The following PCDH9 variants were observed in gnomAD, a reference collection of about 807,000 sequenced individuals.
PCDH9 encodes the protein protocadherin 9.
Under a neutral mutation model 70.6 loss-of-function variants are expected in PCDH9, and 24 were observed. The observed-to-expected ratio is 0.34, with a 90% CI of 0.25 to 0.48. The LOEUF (loss-of-function observed/expected upper bound fraction) is 0.48, where lower values mean the gene tolerates loss of function less well. PCDH9 is among the 20% of genes least tolerant of loss of function. The probability of loss-of-function intolerance (pLI) is 0.99; values close to 1 mark genes in which losing one functional copy is unlikely to be tolerated. For missense variants in PCDH9, 1,281 were observed against 1,503.6 expected (o/e 0.85, Z 2.45); for synonymous variants, 562 against 558.5 (o/e 1.01, Z -0.09).
At chr13:66,438,655 G>A (rs1342596049) in intron 4 of PCDH9, among the ~76,000 whole-genome samples, 1 of 152,102 alleles carries the variant, frequency 6.6e-6, no homozygotes, top group Non-Finnish European at 1.5e-5. Context: ...TCACTGGCAG[G>A]CCCAACCCAT....
chr13:67,049,987 T>C (rs1167180617), intron 2 of PCDH9, among the ~76,000 whole-genome samples: 4 of 152,184 alleles, frequency 2.6e-5, no homozygotes, highest in East Asian at 1.9e-4. Flanking sequence ...GAGGGAATCA[T>C]AGAGAATGAA....
chr13:67,010,273 G>A (rs752602931), intron 2 of PCDH9, among the ~76,000 whole-genome samples: 7 of 151,774 alleles, frequency 4.6e-5, no homozygotes, highest in Admixed American at 1.3e-4. Context: ...TATAGAACAC[G>A]GATTCAAACC....
intron 4 of PCDH9, among the ~76,000 whole-genome samples, chr13:66,317,091 A>G (rs960576516): frequency 6.6e-6 from 1 of 152,112 alleles, no homozygotes; most frequent in African/African-American, 2.4e-5. Flanking sequence ...TTAATGGTCT[A>G]TCTCTCACAC....
intron 4 of PCDH9, among the ~76,000 whole-genome samples, chr13:66,334,875 G>A (rs911984396): frequency 2.6e-5 from 4 of 151,976 alleles, no homozygotes; most frequent in Non-Finnish European, 4.4e-5. Flanking sequence ...TATATTACAA[G>A]CTACCCCATA....
At chr13:66,673,878 A>C (rs1334826570) in intron 3 of PCDH9, among the ~76,000 whole-genome samples, 1 of 152,196 alleles carries the variant, frequency 6.6e-6, no homozygotes, top group East Asian at 1.9e-4. Context: ...TAATTCAATT[A>C]TCCAGTTAAA....
intron 2 of PCDH9, among the ~76,000 whole-genome samples, chr13:66,981,538 C>T (rs1303568063): frequency 6.6e-6 from 1 of 151,532 alleles, no homozygotes; most frequent in Non-Finnish European, 1.5e-5. Context: ...ACTATAATTA[C>T]TTATCTGAAA....
intron 2 of PCDH9, among the ~76,000 whole-genome samples, chr13:66,978,041 G>A (rs1170133173): frequency 6.6e-6 from 1 of 152,098 alleles, no homozygotes; most frequent in Non-Finnish European, 1.5e-5. Context: ...TAAGTGAAAA[G>A]AAACACTAAA....
At chr13:66,981,358 A>AT (rs1435128498) in intron 2 of PCDH9, among the ~76,000 whole-genome samples, 1 of 151,790 alleles carries the variant, frequency 6.6e-6, no homozygotes, top group African/African-American at 2.4e-5. Flanking sequence ...GAATGGCGTG[A>AT]ACCCGGGAGG....
At chr13:66,448,183 G>T (rs1019736696) in intron 4 of PCDH9, among the ~76,000 whole-genome samples, 2 of 152,102 alleles carry the variant, frequency 1.3e-5, no homozygotes, top group East Asian at 3.9e-4. Flanking sequence ...CCCAGAAAAT[G>T]GTGTGCTTGA....
chr13:67,054,041 C>G (rs1024388645), intron 2 of PCDH9, among the ~76,000 whole-genome samples: 9 of 152,152 alleles, frequency 5.9e-5, no homozygotes, highest in African/African-American at 2.2e-4. Flanking sequence ...CGCCCTCCTC[C>G]CTCACCACAT....
intron 4 of PCDH9, among the ~76,000 whole-genome samples, chr13:66,588,613 A>T (rs1044924532): frequency 2.6e-4 from 39 of 151,780 alleles, no homozygotes; most frequent in African/African-American, 8.9e-4. Context: ...TTTCTAAATA[A>T]TTTTTTTTCC....
At chr13:66,714,905 C>T (rs1394961058) in intron 3 of PCDH9, among the ~76,000 whole-genome samples, 1 of 152,094 alleles carries the variant, frequency 6.6e-6, no homozygotes, top group East Asian at 1.9e-4. Flanking sequence ...CCAACCTCAG[C>T]ATAATAACTG....
At chr13:67,159,174 G>A (rs1257184521) in intron 2 of PCDH9, among the ~76,000 whole-genome samples, 1 of 152,124 alleles carries the variant, frequency 6.6e-6, no homozygotes, top group African/African-American at 2.4e-5. Flanking sequence ...GATTTGAGTG[G>A]GAGGAACTCT....
At chr13:66,335,687 C>A (rs1956025652) in intron 4 of PCDH9, among the ~76,000 whole-genome samples, 1 of 152,004 alleles carries the variant, frequency 6.6e-6, no homozygotes, top group Admixed American at 6.6e-5. Context: ...AACTTATAGC[C>A]ACAGTGGTAG....
chr13:67,026,235 G>C (rs2084778177), intron 2 of PCDH9, among the ~76,000 whole-genome samples: 1 of 152,094 alleles, frequency 6.6e-6, no homozygotes, highest in African/African-American at 2.4e-5. Flanking sequence ...TGTGCTGCTG[G>C]ATTTGGTTCC....
intron 2 of PCDH9, among the ~76,000 whole-genome samples, chr13:67,140,599 C>T (rs1008507480): frequency 2.0e-5 from 3 of 152,104 alleles, no homozygotes; most frequent in Non-Finnish European, 2.9e-5. Flanking sequence ...TTCTAGGTGT[C>T]CACCCACAAA....
At chr13:66,724,351 T>C (rs1417094182) in intron 3 of PCDH9, among the ~76,000 whole-genome samples, 1 of 152,164 alleles carries the variant, frequency 6.6e-6, no homozygotes, top group African/African-American at 2.4e-5. Context: ...AAATGGCCAC[T>C]AGCAGTCAGG....
chr13:66,643,388 C>T (rs1009966602), intron 3 of PCDH9, among the ~76,000 whole-genome samples: 4 of 151,932 alleles, frequency 2.6e-5, no homozygotes, highest in Non-Finnish European at 5.9e-5. Flanking sequence ...GTCGAAGTAG[C>T]TGGACTTCAT....
At chr13:66,429,804 T>C (rs570958970) in intron 4 of PCDH9, among the ~76,000 whole-genome samples, 2 of 152,186 alleles carry the variant, frequency 1.3e-5, no homozygotes, top group Non-Finnish European at 1.5e-5. Context: ...GGCACATCAG[T>C]GATTGCTGTT....
Sources: allele counts gnomAD v4.1 joint callset (sites outside exome capture counted in the v4.1 genomes callset), GRCh38; gene constraint gnomAD v4.1.1; transcripts MANE v1.5; gene names NCBI Gene and HGNC (gene_info 2026-07-23, HGNC 2026-07-21).